The following JAZF1 variants were observed in gnomAD, a reference collection of about 807,000 sequenced individuals.
The protein encoded by JAZF1 is juxtaposed with another zinc finger protein 1.
JAZF1 carries 8 observed loss-of-function variants against 26.4 expected under a neutral mutation model. The ratio of observed to expected loss-of-function variants is 0.30; its 90% CI spans 0.18 to 0.55. The LOEUF (loss-of-function observed/expected upper bound fraction) is 0.55, where lower values mean the gene tolerates loss of function less well. Ranked by LOEUF, JAZF1 falls within the 20% of genes least tolerant of loss-of-function variation. JAZF1 has a pLI of 0.94. For synonymous variants in JAZF1, 126 were observed against 122.3 expected (o/e 1.03, Z -0.20); for missense variants, 199 against 322.0 (o/e 0.62, Z 2.92).
chr7:27,840,900 G>A lies in JAZF1; in HGVS notation c.386-33C>T, dbSNP rs115548643. 1.7e-4 allele frequency: 271 copies of A among 1,609,502 alleles called. No homozygotes were observed. In the African/African-American group the frequency reaches 2.9e-3, roughly 17 times the overall value. ...ACAAGAGAAGTGCAAGGACTGTCAG[G>A]AGCGCTCATCTCCCCACAGGTTCAC... On this transcript the variant is annotated intron_variant, in intron 3 of 4. Coordinates refer to ENST00000283928, the MANE Select transcript of JAZF1 (RefSeq NM_175061.4). This position sits in a 1 kb window ranked among gnomAD's most constrained non-coding sequence, Gnocchi z 5.1.
intron 1 of JAZF1, among the ~76,000 whole-genome samples, chr7:28,135,586 A>T (rs1166772141): frequency 6.6e-6 from 1 of 152,216 alleles, no homozygotes; most frequent in African/African-American, 2.4e-5. Flanking sequence ...ACACATGGAC[A>T]TCTGGGGACG....
chr7:27,835,000 T>G (rs1782777775), intron 4 of JAZF1, among the ~76,000 whole-genome samples: 1 of 152,220 alleles, frequency 6.6e-6, no homozygotes, highest in Non-Finnish European at 1.5e-5. Context: ...ACCTGCCTGC[T>G]TAGTAATATC....
chr7:27,984,501 A>G (rs1785657125), intron 2 of JAZF1, among the ~76,000 whole-genome samples: 1 of 152,156 alleles, frequency 6.6e-6, no homozygotes, highest in Non-Finnish European at 1.5e-5. Flanking sequence ...CACAATAATA[A>G]CGGGAGACTT....
At chr7:27,884,344 G>A (rs1322079672) in intron 3 of JAZF1, among the ~76,000 whole-genome samples, 3 of 152,196 alleles carry the variant, frequency 2.0e-5, no homozygotes, top group Non-Finnish European at 4.4e-5. Flanking sequence ...TGACCAGGTT[G>A]GTCTCAAACT....
chr7:27,863,419 A>G (rs1783415841), intron 3 of JAZF1, among the ~76,000 whole-genome samples: 1 of 152,142 alleles, frequency 6.6e-6, no homozygotes, highest in African/African-American at 2.4e-5. Context: ...GTGGCTGCTC[A>G]GCATTCAGGT....
chr7:28,053,424 C>T (rs1783647930), intron 1 of JAZF1, among the ~76,000 whole-genome samples: 1 of 152,116 alleles, frequency 6.6e-6, no homozygotes, highest in South Asian at 2.1e-4. Flanking sequence ...AACTGTTTTC[C>T]ATAATGGCTG....
chr7:28,010,684 A>C (rs1261777680), intron 1 of JAZF1, among the ~76,000 whole-genome samples: 1 of 152,228 alleles, frequency 6.6e-6, no homozygotes, highest in Non-Finnish European at 1.5e-5. Flanking sequence ...ATTACATTTT[A>C]AAGTGCTTTG....
chr7:28,039,447 T>C (rs758409016), intron 1 of JAZF1, among the ~76,000 whole-genome samples: 38 of 152,196 alleles, frequency 2.5e-4, no homozygotes, highest in Admixed American at 4.6e-4. Context: ...GATCCAAGAA[T>C]AAGTAAGAAA....
At chr7:27,992,084 T>C (rs1785917761) in intron 1 of JAZF1, 103 bp from the exon 2 acceptor site, 1 of 772,550 alleles carries the variant, frequency 1.3e-6, no homozygotes, top group Non-Finnish European at 2.4e-6. Context: ...AAAGATTAAT[T>C]TAGTACACCA....
intron 1 of JAZF1, among the ~76,000 whole-genome samples, chr7:28,131,449 C>G (rs1782792144): frequency 6.6e-6 from 1 of 152,146 alleles, no homozygotes; most frequent in Non-Finnish European, 1.5e-5. Flanking sequence ...AGCCTTCTCT[C>G]CTTACATAAA....
At chr7:28,070,098 G>A (rs1258023946) in intron 1 of JAZF1, among the ~76,000 whole-genome samples, 5 of 152,132 alleles carry the variant, frequency 3.3e-5, no homozygotes, top group African/African-American at 1.2e-4. Context: ...CTTTTTTGTT[G>A]CTCTGCCCTT....
intron 3 of JAZF1, among the ~76,000 whole-genome samples, chr7:27,857,372 C>T (rs770632268): frequency 5.3e-5 from 8 of 152,314 alleles, no homozygotes; most frequent in East Asian, 3.9e-4. Context: ...CCCACAGCCC[C>T]GGTTCCCACC....
At chr7:28,011,379 T>G (rs1486415444) in intron 1 of JAZF1, among the ~76,000 whole-genome samples, 1 of 151,612 alleles carries the variant, frequency 6.6e-6, no homozygotes, top group Non-Finnish European at 1.5e-5. Flanking sequence ...TATTTAATCA[T>G]TATACTGCAC....
intron 1 of JAZF1, among the ~76,000 whole-genome samples, chr7:28,097,728 C>T (rs550109087): frequency 3.9e-5 from 6 of 152,098 alleles, no homozygotes; most frequent in Non-Finnish European, 7.4e-5. Context: ...GGGGAAGGTT[C>T]GGGGAGCTAA....
intron 2 of JAZF1, chr7:27,913,497 C>A (rs1200904684): frequency 2.8e-6 from 1 of 355,340 alleles, no homozygotes; most frequent in South Asian, 2.1e-5. Context: ...CCCACGTGAA[C>A]AGAGCTTGGT....
chr7:27,913,402 A>C, intron 2 of JAZF1: 1 of 461,462 alleles, frequency 2.2e-6, no homozygotes, highest in Non-Finnish European at 4.5e-6. Flanking sequence ...CTTTTGGACA[A>C]GTAGGACAGC....
At chr7:27,973,347 C>T (rs1370620708) in intron 2 of JAZF1, among the ~76,000 whole-genome samples, 1 of 151,854 alleles carries the variant, frequency 6.6e-6, no homozygotes, top group Admixed American at 6.6e-5. Context: ...ACTCTTTTAC[C>T]CAGGCTAGAG....
intron 3 of JAZF1, among the ~76,000 whole-genome samples, chr7:27,889,317 T>C (rs1490283065): frequency 1.3e-5 from 2 of 151,984 alleles, no homozygotes; most frequent in Non-Finnish European, 2.9e-5. Flanking sequence ...GGGGGAGAAA[T>C]TACTTTCTTA....
At chr7:28,122,225 GT>G (rs1226023707) in intron 1 of JAZF1, among the ~76,000 whole-genome samples, 1 of 152,174 alleles carries the variant, frequency 6.6e-6, no homozygotes, top group Non-Finnish European at 1.5e-5. Context: ...CCTGCCATCA[GT>G]GATACAGCTG....
Sources: gnomAD v4.1 joint callset for allele counts (sites outside exome capture counted in the v4.1 genomes callset) on GRCh38, gnomAD v4.1.1 for gene constraint, Gnocchi (gnomAD v3.1) non-coding constraint, MANE v1.5 for transcripts, NCBI Gene and HGNC (gene_info 2026-07-23, HGNC 2026-07-21) for gene names.